C14orf39: variants seen among roughly 807,000 people sequenced by gnomAD.
C14orf39 encodes the protein chromosome 14 open reading frame 39, also known as protein SIX6OS1.
C14orf39 carries 66 observed loss-of-function variants against 85.6 expected under a neutral mutation model. That is an observed-to-expected ratio of 0.77 (90% CI 0.63 to 0.95). C14orf39 has a LOEUF of 0.95. C14orf39 is among the 40% of genes least tolerant of loss of function. C14orf39 has a pLI of 0.00. For missense variants in C14orf39, 735 were observed against 663.9 expected, an observed-to-expected ratio of 1.11 and a Z score of -1.18; for synonymous variants, 242 against 214.0, an observed-to-expected ratio of 1.13 and a Z score of -1.14.
At chr14:60,475,088 G>C (rs1486156787) in intron 5 of C14orf39, among the ~76,000 whole-genome samples, 1 of 152,084 alleles carries the variant, frequency 6.6e-6, no homozygotes, top group Non-Finnish European at 1.5e-5. Context: ...GCCTGTTATT[G>C]GTCTATTCAG....
At chr14:60,475,068 C>G (rs1190419521) in intron 5 of C14orf39, among the ~76,000 whole-genome samples, 2 of 152,148 alleles carry the variant, frequency 1.3e-5, no homozygotes, top group Non-Finnish European at 2.9e-5. Flanking sequence ...ATTATTTCCT[C>G]AATTTCAGAG....
At chr14:60,494,871 G>A (rs543473874) in intron 2 of C14orf39, 5 of 153,778 alleles carry the variant, frequency 3.3e-5, no homozygotes, top group Admixed American at 6.5e-5. Context: ...CATCTTGGCA[G>A]CTGACCTTGT....
intron 14 of C14orf39, among the ~76,000 whole-genome samples, chr14:60,457,883 A>G (rs555287825): frequency 6.6e-6 from 1 of 152,080 alleles, no homozygotes; most frequent in Admixed American, 6.6e-5. Flanking sequence ...GAATCATTCA[A>G]TCTTACCAAA....
At chr14:60,471,279 T>C (rs1301633719) in intron 7 of C14orf39, 138 bp downstream of exon 7, 64 of 791,170 alleles carry the variant, frequency 8.1e-5, no homozygotes, top group Non-Finnish European at 1.2e-4. Flanking sequence ...AAGATGACCT[T>C]TAAAATTACT....
chr14:60,484,251 T>C lies in C14orf39; in HGVS notation c.107-434A>G, dbSNP rs1358287030. 1.3e-5 allele frequency among the ~76,000 whole-genome samples: 2 copies of C among 152,244 alleles called. No individual in the cohort carries two copies. Among genetic ancestry groups the C allele is most frequent in the African/African-American group, 4.8e-5 (2 of 41,466 alleles). On this transcript the variant is annotated intron_variant, in intron 3 of 17. Coordinates refer to ENST00000321731, the MANE Select transcript of C14orf39 (RefSeq NM_174978.3). The surrounding 1 kb of genome is among the most constrained non-coding windows in gnomAD (Gnocchi z 4.2). The stretch of plus-strand genomic sequence containing the variant: ...ATTAAACGCACTTTCAACTCACTTA[T>C]TTCTGTTACTAGTGATTAAATAGAA...
In C14orf39 at chr14:60,455,035, G is replaced by T. The variant is rs759017367; in HGVS notation, c.1469C>A (p.Ser490Tyr). 6.4e-7 allele frequency: 1 copy of T among 1,570,078 alleles called. No homozygotes were observed. Among genetic ancestry groups the T allele is most frequent in the Non-Finnish European group, 8.6e-7 (1 of 1,164,160 alleles). The change falls in exon 16 of 18, where the codon TCT becomes TAT. Residue 490 changes from serine (S) to tyrosine (Y), a missense_variant. Ser to Tyr is a moderately radical substitution (Grantham distance 144, BLOSUM62 -2). Coordinates refer to ENST00000321731, the MANE Select transcript of C14orf39 (RefSeq NM_174978.3). ...TGAGATTTCTGTATCAAATACAGAAGAATCAAATAAATTCAATCCAGGTGA... is the reference window on the plus strand; with the variant it reads ...TGAGATTTCTGTATCAAATACAGAATAATCAAATAAATTCAATCCAGGTGA... ...SRSPGLNLFD[S>Y]SVFDTEISSD... is the part of the protein sequence containing the mutation.
At chr14:60,511,368 C>T (rs1893292135) in intron 1 of C14orf39, 2 of 1,273,692 alleles carry the variant, frequency 1.6e-6, no homozygotes, top group Non-Finnish European at 2.2e-6. Flanking sequence ...GCCAGGTGAC[C>T]AGGGACCCGC....
intron 16 of C14orf39, among the ~76,000 whole-genome samples, chr14:60,445,368 A>G (rs974374294): frequency 1.3e-5 from 2 of 152,212 alleles, no homozygotes; most frequent in African/African-American, 4.8e-5. Context: ...GAGATGGAGG[A>G]AGATATACCA....
intron 5 of C14orf39, among the ~76,000 whole-genome samples, chr14:60,474,376 A>T (rs202101462): frequency 0.8 from 94,562 of 118,442 alleles, 39,576 homozygotes; most frequent in Non-Finnish European, 0.91. Flanking sequence ...TCTTTTCCTA[A>T]TTGAATACCA....
intron 16 of C14orf39, among the ~76,000 whole-genome samples, chr14:60,452,059 C>T (rs1254336): frequency 0.14 from 20,947 of 150,194 alleles, 2,126 homozygotes; most frequent in African/African-American, 0.27. Context: ...TGGTGGCACA[C>T]GCCTATAGTC....
intron 9 of C14orf39, among the ~76,000 whole-genome samples, chr14:60,467,787 GA>G (rs1354404557): frequency 6.6e-6 from 1 of 151,562 alleles, no homozygotes; most frequent in African/African-American, 2.4e-5. Flanking sequence ...AGAATGTGTT[GA>G]AAAATCAGAT....
At chr14:60,439,716 ATC>A (rs1890418311) in intron 17 of C14orf39, among the ~76,000 whole-genome samples, 1 of 152,226 alleles carries the variant, frequency 6.6e-6, no homozygotes, top group Non-Finnish European at 1.5e-5. Context: ...TTTGTTCATT[ATC>A]TGTATGTATT....
intron 11 of C14orf39, among the ~76,000 whole-genome samples, chr14:60,462,896 T>C (rs117779444): frequency 0.013 from 1,951 of 152,200 alleles, 18 homozygotes; most frequent in South Asian, 0.027. Flanking sequence ...AGCCAAAAGA[T>C]TGGACACACC....
At chr14:60,494,164 C>T (rs759265086) in intron 2 of C14orf39, 5 of 310,632 alleles carry the variant, frequency 1.6e-5, no homozygotes, top group Non-Finnish European at 3.3e-5. Context: ...GGAAACATTT[C>T]TGAGACTCTT....
chr14:60,503,286 G>C (rs7160405), intron 1 of C14orf39, among the ~76,000 whole-genome samples: 125,823 of 152,016 alleles, frequency 0.83, 53,550 homozygotes, highest in Non-Finnish European at 0.92. Flanking sequence ...GGCTTGCAAG[G>C]GTTATACCAC....
At chr14:60,475,080 C>T (rs1892305140) in intron 5 of C14orf39, among the ~76,000 whole-genome samples, 1 of 152,084 alleles carries the variant, frequency 6.6e-6, no homozygotes, top group Non-Finnish European at 1.5e-5. Flanking sequence ...ATTTCAGAGC[C>T]TGTTATTGGT....
intron 1 of C14orf39, chr14:60,511,628 A>T: frequency 5.2e-6 from 2 of 383,734 alleles, no homozygotes; most frequent in Non-Finnish European, 9.9e-6. Flanking sequence ...CTTTCGCTTT[A>T]AAGTTTTTTT....
chr14:60,495,348 C>A, intron 2 of C14orf39: 1 of 212,726 alleles, frequency 4.7e-6, no homozygotes, highest in South Asian at 8.6e-5. Context: ...AGTTTGGTCC[C>A]ACCCCAGGTT....
intron 17 of C14orf39, among the ~76,000 whole-genome samples, chr14:60,440,247 C>A (rs1344010160): frequency 1.3e-5 from 2 of 152,168 alleles, no homozygotes; most frequent in African/African-American, 4.8e-5. Flanking sequence ...TCCTACTTTA[C>A]TTTCACTTAC....
Sources: gnomAD v4.1 joint callset for allele counts (sites outside exome capture counted in the v4.1 genomes callset) on GRCh38, gnomAD v4.1.1 for gene constraint, Gnocchi (gnomAD v3.1) non-coding constraint, MANE v1.5 for transcripts, NCBI Gene and HGNC (gene_info 2026-07-23, HGNC 2026-07-21) for gene names.